PDE10A: variants seen among roughly 807,000 people sequenced by gnomAD.
PDE10A encodes cAMP and cAMP-inhibited cGMP 3',5'-cyclic phosphodiesterase 10A.
Under a neutral mutation model 97.7 loss-of-function variants are expected in PDE10A, and 39 were observed. That is an observed-to-expected ratio of 0.40 (90% confidence interval 0.31 to 0.52). The LOEUF is 0.52. Among genes scored for constraint, PDE10A ranks in the 20% least tolerant of loss-of-function variants. PDE10A has a pLI of 0.56. For missense variants in PDE10A, 731 were observed against 1,047.8 expected (o/e 0.70, Z 4.17); for synonymous variants, 371 against 376.8 (o/e 0.98, Z 0.18).
Position 165,756,026 on chromosome 6 carries a change from C to T in PDE10A, c.-614-212458G>A, listed in dbSNP as rs544922155. ...TCAGGACTCTTAGAGCCTGGCTCAG[C>T]GTCCTAAACAAATCCCGCACTGAAT... On this transcript the variant is annotated intron_variant, in intron 1 of 19. Coordinates refer to the PDE10A transcript ENST00000366882. 1.7e-4 allele frequency among the ~76,000 whole-genome samples: 26 copies of T among 152,248 alleles called. No individual in the cohort carries two copies. In the South Asian group the frequency reaches 4.8e-3, roughly 28 times the overall value.
chr6:165,472,365 T>C (rs1374005736), intron 3 of PDE10A, among the ~76,000 whole-genome samples: 2 of 152,146 alleles, frequency 1.3e-5, no homozygotes, highest in Non-Finnish European at 2.9e-5. Context: ...ATTTTCTTTT[T>C]TCTGAAATAG....
chr6:165,500,395 T>A (rs1780798924), intron 2 of PDE10A, among the ~76,000 whole-genome samples: 1 of 152,188 alleles, frequency 6.6e-6, no homozygotes, highest in African/African-American at 2.4e-5. Context: ...ATGCTGTTAA[T>A]CTGTAATCCT....
At position 165,661,654 on chromosome 6, in the gene PDE10A, A is replaced by C. The variant is rs1057281793; in HGVS notation, c.865+293T>G. 1.8e-5 allele frequency: 7 copies of C among 392,794 alleles called. No individual in the cohort carries two copies. Among genetic ancestry groups the C allele is most frequent in the Admixed American group, 4.8e-5 (1 of 20,726 alleles). The allele number at this position is 392,794 out of a possible 1,614,324, so 24.3% of individuals were successfully genotyped here. On this transcript the variant is annotated intron_variant, in intron 1 of 21. Coordinates refer to ENST00000539869, the MANE Select transcript of PDE10A (RefSeq NM_001385079.1). The surrounding 1 kb of genome is among the most constrained non-coding windows in gnomAD (Gnocchi z 4.8). ...GAAACGGCACGAGGGGCGGAGAAGG[A>C]GGCGGCAGGTCCCGCTCGCAACGTC...
At chr6:165,730,386 C>T (rs1197248861) in intron 1 of PDE10A, among the ~76,000 whole-genome samples, 1 of 152,184 alleles carries the variant, frequency 6.6e-6, no homozygotes, top group Non-Finnish European at 1.5e-5. Flanking sequence ...TCACGTCCCC[C>T]ATCCCAGAGC....
chr6:165,505,733 C>G (rs1306386439), intron 2 of PDE10A, among the ~76,000 whole-genome samples: 1 of 152,102 alleles, frequency 6.6e-6, no homozygotes, highest in Non-Finnish European at 1.5e-5. Context: ...CATAGAGCTT[C>G]TCTCAGAGAA....
At chr6:165,862,103 C>T (rs974234430) in intron 1 of PDE10A, among the ~76,000 whole-genome samples, 1 of 152,138 alleles carries the variant, frequency 6.6e-6, no homozygotes, top group African/African-American at 2.4e-5. Context: ...TCCCACATTC[C>T]CATGGAAAGA....
chr6:165,870,776 A>G (rs1781185838), intron 1 of PDE10A, among the ~76,000 whole-genome samples: 1 of 152,220 alleles, frequency 6.6e-6, no homozygotes, highest in Non-Finnish European at 1.5e-5. Context: ...TTCAGCCATA[A>G]AAAAACAAAA....
intron 1 of PDE10A, among the ~76,000 whole-genome samples, chr6:165,839,965 C>CCAGCCTCATCTCCATTCT (rs1562762732): frequency 6.6e-6 from 1 of 150,738 alleles, no homozygotes; most frequent in African/African-American, 2.4e-5. Flanking sequence ...ATCTACATCT[C>CCAGCCTCATCTCCATTCT]TGTCTTCATC....
intron 2 of PDE10A, among the ~76,000 whole-genome samples, chr6:165,485,478 A>AAAAT (rs1298273852): frequency 4.6e-5 from 7 of 151,888 alleles, no homozygotes; most frequent in African/African-American, 9.6e-5. Flanking sequence ...AAAAAAAAAA[A>AAAAT]AAAAAAAAGA....
intron 18 of PDE10A, 31 bp downstream of exon 18, chr6:165,379,163 G>A (rs1021219831): frequency 6.9e-7 from 1 of 1,445,950 alleles, no homozygotes; most frequent in African/African-American, 1.4e-5. Context: ...AACACTTTCT[G>A]GGCTTCTAAG....
rs79101814 is a variant in PDE10A at position 165,861,688 on chromosome 6, C to T, written c.-615+125841G>A. Among the ~76,000 whole-genome samples, 184 of 152,058 alleles carry T rather than the reference C, an allele frequency of 1.2e-3. 2 individuals carry two copies. The East Asian group carries it at 0.034, about 28-fold the overall frequency. ...AAGACCAGAGGGAGCAACTGCAGTC[C>T]TCCAGGCAAGGGAAGGGAGTGACGG... On this transcript the variant is annotated intron_variant, in intron 1 of 19. Transcript: ENST00000366882.
At chr6:165,929,147 A>T (rs1783042432) in intron 1 of PDE10A, among the ~76,000 whole-genome samples, 2 of 152,226 alleles carry the variant, frequency 1.3e-5, no homozygotes, top group Admixed American at 1.3e-4. Flanking sequence ...AAATGAATTC[A>T]GTCTACAGCC....
At chr6:165,645,811 G>A (rs1192532272) in intron 1 of PDE10A, among the ~76,000 whole-genome samples, 1 of 134,470 alleles carries the variant, frequency 7.4e-6, no homozygotes, top group Non-Finnish European at 1.5e-5. Flanking sequence ...CTAAGATCAT[G>A]CCACTGTACT....
intron 18 of PDE10A, among the ~76,000 whole-genome samples, chr6:165,368,088 C>T (rs1027171147): frequency 6.6e-6 from 1 of 152,166 alleles, no homozygotes; most frequent in Non-Finnish European, 1.5e-5. Flanking sequence ...CTCTACCTCC[C>T]GGGTTCAAGC....
intron 13 of PDE10A, 23 bp downstream of exon 13, chr6:165,413,478 G>C (rs758019860): frequency 2.3e-5 from 35 of 1,518,330 alleles, no homozygotes; most frequent in African/African-American, 4.1e-5. Flanking sequence ...AGTAAAAAAT[G>C]GTATTTAATA....
chr6:165,519,380 G>C (rs1467847508), intron 2 of PDE10A, among the ~76,000 whole-genome samples: 1 of 151,214 alleles, frequency 6.6e-6, no homozygotes, highest in Non-Finnish European at 1.5e-5. Context: ...GCATCACTTT[G>C]TTTAAACAAA....
chr6:165,467,959 A>G (rs1033691339), intron 3 of PDE10A, among the ~76,000 whole-genome samples: 1 of 152,200 alleles, frequency 6.6e-6, no homozygotes, highest in Admixed American at 6.5e-5. Flanking sequence ...AGCAACCACA[A>G]TGCTGATACA....
At chr6:165,817,648 C>G (rs1418700512) in intron 1 of PDE10A, among the ~76,000 whole-genome samples, 1 of 152,166 alleles carries the variant, frequency 6.6e-6, no homozygotes, top group African/African-American at 2.4e-5. Context: ...CCGGCTCAGT[C>G]CCTGCCATGT....
chr6:165,395,547 A>G (rs1056941640), intron 14 of PDE10A, among the ~76,000 whole-genome samples: 7 of 152,176 alleles, frequency 4.6e-5, no homozygotes, highest in African/African-American at 1.7e-4. Flanking sequence ...AAAGTACAAA[A>G]AGGTATATTA....
Sources: allele counts gnomAD v4.1 joint callset (sites outside exome capture counted in the v4.1 genomes callset), GRCh38; gene constraint gnomAD v4.1.1; non-coding constraint Gnocchi (gnomAD v3.1); transcripts MANE v1.5; gene names NCBI Gene and HGNC (gene_info 2026-07-23, HGNC 2026-07-21).